PTPRD: variants seen among roughly 807,000 people sequenced by gnomAD.
The protein encoded by PTPRD is protein tyrosine phosphatase receptor type D, also known as receptor-type tyrosine-protein phosphatase delta.
Under a neutral mutation model 214.5 loss-of-function variants are expected in PTPRD, and 34 were observed. The ratio of observed to expected loss-of-function variants is 0.16; its 90% CI spans 0.12 to 0.21. PTPRD has a LOEUF of 0.21. PTPRD is among the 10% of genes least tolerant of loss of function. The pLI is 1.00. For synonymous variants in PTPRD, 1,128 were observed against 845.7 expected, an observed-to-expected ratio of 1.33 and a Z score of -5.79; for missense variants, 2,545 against 2,398.7, an observed-to-expected ratio of 1.06 and a Z score of -1.27.
chr9:10,502,054 T>A (rs977887301), intron 2 of PTPRD, among the ~76,000 whole-genome samples: 14 of 151,710 alleles, frequency 9.2e-5, no homozygotes, highest in African/African-American at 3.1e-4. Context: ...CGAGCTTAAT[T>A]TTTTTTAAGA....
intron 5 of PTPRD, among the ~76,000 whole-genome samples, chr9:9,790,759 G>A (rs2098961214): frequency 6.6e-6 from 1 of 152,072 alleles, no homozygotes; most frequent in Admixed American, 6.6e-5. Flanking sequence ...TATTAAAATT[G>A]TCTAATGAAT....
At chr9:9,292,669 T>C (rs1951579732) in intron 9 of PTPRD, among the ~76,000 whole-genome samples, 2 of 151,446 alleles carry the variant, frequency 1.3e-5, no homozygotes, top group Non-Finnish European at 3.0e-5. Context: ...ATGTCCTTTT[T>C]CTGTTCCAGG....
chr9:10,153,686 C>T (rs2099076156), intron 3 of PTPRD, among the ~76,000 whole-genome samples: 2 of 152,072 alleles, frequency 1.3e-5, no homozygotes, highest in Admixed American at 1.3e-4. Flanking sequence ...AATTCTTTCT[C>T]TCCCACCCTT....
intron 11 of PTPRD, among the ~76,000 whole-genome samples, chr9:8,956,707 A>G (rs373706181): frequency 1.3e-5 from 2 of 151,832 alleles, no homozygotes; most frequent in African/African-American, 4.8e-5. Context: ...GAAGCAGAAC[A>G]TTTATTTCAT....
At chr9:9,413,698 G>T (rs2076199842) in intron 8 of PTPRD, among the ~76,000 whole-genome samples, 1 of 152,084 alleles carries the variant, frequency 6.6e-6, no homozygotes. Context: ...TTATGAACTT[G>T]GTCAATACAT....
intron 2 of PTPRD, among the ~76,000 whole-genome samples, chr9:10,473,405 G>A (rs1161712435): frequency 6.6e-6 from 1 of 152,062 alleles, no homozygotes; most frequent in Non-Finnish European, 1.5e-5. Flanking sequence ...TTTATCTAGA[G>A]ATATCTCAGT....
chr9:9,890,132 C>T (rs28587704), intron 5 of PTPRD, among the ~76,000 whole-genome samples: 26,381 of 151,920 alleles, frequency 0.17, 2,950 homozygotes, highest in African/African-American at 0.32. Flanking sequence ...CTTTATATGA[C>T]ATTTCTGATT....
chr9:8,567,010 G>A (rs1020414214), intron 14 of PTPRD, among the ~76,000 whole-genome samples: 2 of 151,982 alleles, frequency 1.3e-5, no homozygotes, highest in Non-Finnish European at 2.9e-5. Context: ...CATAAACTCC[G>A]TAAAACCACC....
chr9:8,998,234 A>G (rs2099404506), intron 11 of PTPRD, among the ~76,000 whole-genome samples: 2 of 152,110 alleles, frequency 1.3e-5, no homozygotes, highest in African/African-American at 4.8e-5. Flanking sequence ...TTTCAAAGCT[A>G]GAGAGAAGTC....
At chr9:9,839,672 T>C (rs1011876804) in intron 5 of PTPRD, among the ~76,000 whole-genome samples, 6 of 152,020 alleles carry the variant, frequency 3.9e-5, no homozygotes, top group African/African-American at 1.4e-4. Flanking sequence ...AAGCTACCAA[T>C]GACTTTCTTC....
At chr9:9,947,531 TTTTATATATAA>T (rs1566622261) in intron 4 of PTPRD, among the ~76,000 whole-genome samples, 2 of 21,226 alleles carry the variant, frequency 9.4e-5, no homozygotes, top group East Asian at 0.011. Context: ...ATTATATATA[TTTTATATATAA>T]TATATATATT....
intron 14 of PTPRD, among the ~76,000 whole-genome samples, chr9:8,541,934 C>G (rs976437120): frequency 7.3e-5 from 11 of 151,646 alleles, no homozygotes; most frequent in African/African-American, 2.7e-4. Flanking sequence ...GGAAAATAAC[C>G]CAATCAAAGT....
intron 2 of PTPRD, among the ~76,000 whole-genome samples, chr9:10,583,480 C>G (rs2072776389): frequency 6.7e-6 from 1 of 149,530 alleles, no homozygotes; most frequent in African/African-American, 2.5e-5. Flanking sequence ...TAGACGGAGT[C>G]TCGCCCTGTT....
At chr9:9,428,778 C>G (rs1031973684) in intron 8 of PTPRD, among the ~76,000 whole-genome samples, 1 of 152,148 alleles carries the variant, frequency 6.6e-6, no homozygotes, top group Non-Finnish European at 1.5e-5. Flanking sequence ...TACATGGAAA[C>G]TGAACAACCT....
Position 9,793,041 on chromosome 9 carries a change from T to C in PTPRD, c.-367-26190A>G, listed in dbSNP as rs537561080. Reference sequence around the variant, plus strand: ...ATTTATTGTAGGCACAAAAATGACCTTGTAACTTCTGGATACTGTGTGTGA... The same window carrying C: ...ATTTATTGTAGGCACAAAAATGACCCTGTAACTTCTGGATACTGTGTGTGA... On this transcript the variant is annotated intron_variant, in intron 5 of 45. Coordinates refer to ENST00000381196, the MANE Select transcript of PTPRD (RefSeq NM_002839.4). Among the ~76,000 whole-genome samples the C allele has an allele frequency of 4.6e-5, 7 of 152,228 alleles. No individual in the cohort carries two copies. In the South Asian group the frequency reaches 8.3e-4, roughly 18 times the overall value.
At chr9:8,698,324 C>G (rs541406650) in intron 12 of PTPRD, among the ~76,000 whole-genome samples, 1 of 152,232 alleles carries the variant, frequency 6.6e-6, no homozygotes, top group East Asian at 1.9e-4. Context: ...TGGTGAAAAT[C>G]AAGAATCAAG....
At chr9:10,217,773 A>G (rs2099548322) in intron 3 of PTPRD, among the ~76,000 whole-genome samples, 1 of 151,960 alleles carries the variant, frequency 6.6e-6, no homozygotes, top group African/African-American at 2.4e-5. Flanking sequence ...TTGGGAGTTA[A>G]CCAACATAGA....
intron 3 of PTPRD, among the ~76,000 whole-genome samples, chr9:10,142,161 C>T (rs937356494): frequency 1.6e-4 from 25 of 152,048 alleles, no homozygotes; most frequent in African/African-American, 4.8e-4. Context: ...GACCTAAAAC[C>T]ATAAAAACCC....
intron 9 of PTPRD, among the ~76,000 whole-genome samples, chr9:9,326,292 T>A (rs541648335): frequency 6.6e-6 from 1 of 152,266 alleles, no homozygotes; most frequent in East Asian, 1.9e-4. Flanking sequence ...TTCATGTGGA[T>A]AATAGAGAAT....
Sources: allele counts gnomAD v4.1 joint callset (sites outside exome capture counted in the v4.1 genomes callset), GRCh38; gene constraint gnomAD v4.1.1; transcripts MANE v1.5; gene names NCBI Gene and HGNC (gene_info 2026-07-23, HGNC 2026-07-21).